DOCK3: variants seen among roughly 807,000 people sequenced by gnomAD.
DOCK3 encodes dedicator of cytokinesis protein 3.
In DOCK3, 60 loss-of-function variants were observed where a neutral mutation model predicts 265.6. The observed-to-expected ratio is 0.23, with a 90% CI of 0.18 to 0.28. DOCK3 has a LOEUF of 0.28. Ranked by LOEUF, DOCK3 falls within the 10% of genes least tolerant of loss-of-function variation. DOCK3 has a pLI of 1.00. For missense variants in DOCK3, 1,981 were observed against 2,594.3 expected (o/e 0.76, Z 5.14); for synonymous variants, 881 against 938.0 (o/e 0.94, Z 1.11).
At chr3:50,758,445 G>A (rs541503425) in intron 1 of DOCK3, among the ~76,000 whole-genome samples, 92 of 151,448 alleles carry the variant, frequency 6.1e-4, no homozygotes, top group South Asian at 3.3e-3. Flanking sequence ...TATATATTAC[G>A]ACAGTAAAAA....
At chr3:51,068,102 A>G (rs911363692) in intron 6 of DOCK3, among the ~76,000 whole-genome samples, 4 of 152,230 alleles carry the variant, frequency 2.6e-5, no homozygotes, top group Non-Finnish European at 5.9e-5. Flanking sequence ...CCTTTTCTCT[A>G]AGCTCTTACA....
At position 51,277,700 on chromosome 3, in the gene DOCK3, C is replaced by T. The variant is rs773077569; in HGVS notation, c.2769C>T (p.His923=). 5.6e-5 allele frequency: 90 copies of T among 1,611,070 alleles called. No homozygotes were observed. The highest frequency in any genetic ancestry group is 2.8e-4 in the South Asian group (25 of 90,686). Residue 923 remains histidine (H), a synonymous_variant, in exon 26 of 53, where the codon CAC becomes CAT. Coordinates refer to ENST00000266037, the MANE Select transcript of DOCK3 (RefSeq NM_004947.5). ...QTLLTIMSKS[H]AQEAVRGQRC... Reference sequence around the variant, plus strand: ...TGCTCACCATCATGAGCAAATCGCACGCTCAGGAGGCGGTAAGAGGGCAGC... The same window carrying T: ...TGCTCACCATCATGAGCAAATCGCATGCTCAGGAGGCGGTAAGAGGGCAGC...
At position 51,016,870 on chromosome 3, in the gene DOCK3, GAT is replaced by G. The variant is rs2079347536; in HGVS notation, c.316-47573_316-47572del. Among the ~76,000 whole-genome samples, 3 of 93,996 alleles carry G rather than the reference GAT, an allele frequency of 3.2e-5. 1 individual carries two copies. Among genetic ancestry groups the G allele is most frequent in the African/African-American group, 1.3e-4 (3 of 23,464 alleles). The allele number at this position is 93,996 out of a possible 152,430, so 61.7% of individuals were successfully genotyped here. ...ATATATATCATATATAAATATATAT[GAT>G]ATATGTTTATATATATAAATATATA... On this transcript the variant is annotated intron_variant, in intron 5 of 52. Transcript: ENST00000266037.
chr3:51,009,333 G>C (rs185739303), intron 5 of DOCK3, among the ~76,000 whole-genome samples: 210 of 151,982 alleles, frequency 1.4e-3, no homozygotes, highest in African/African-American at 4.9e-3. Context: ...ACTTCTTCCT[G>C]GTTTAGTCTT....
In DOCK3 at chr3:50,790,759, C is replaced by T. The variant is rs528997224; in HGVS notation, c.121+12001C>T. On this transcript the variant is annotated intron_variant, in intron 2 of 52. Coordinates refer to ENST00000266037, the MANE Select transcript of DOCK3 (RefSeq NM_004947.5). ...TCACAGCTCTTAAGATTCTTTCCTT[C>T]GTCTTGACTTTAGATAACCTGATGA... Among the ~76,000 whole-genome samples, 65 of 152,182 alleles carry T rather than the reference C, an allele frequency of 4.3e-4. 1 individual carries two copies. Among genetic ancestry groups the T allele is most frequent in the African/African-American group, 1.4e-3 (60 of 41,530 alleles).
chr3:51,289,842 G>T (rs564961400), intron 27 of DOCK3, among the ~76,000 whole-genome samples: 2 of 151,860 alleles, frequency 1.3e-5, no homozygotes, highest in South Asian at 4.2e-4. Context: ...AAATTTACAA[G>T]AAAAAAACAA....
chr3:51,037,349 A>C (rs2108999654), intron 5 of DOCK3, among the ~76,000 whole-genome samples: 1 of 152,262 alleles, frequency 6.6e-6, no homozygotes, highest in Middle Eastern at 3.4e-3. Flanking sequence ...GTATTTGGTT[A>C]CATGAGTTAG....
Position 50,956,853 on chromosome 3 carries a change from G to T in DOCK3, c.315+22776G>T, listed in dbSNP as rs183957481. 3.0e-3 allele frequency among the ~76,000 whole-genome samples: 459 copies of T among 152,166 alleles called. 1 individual carries two copies. The highest frequency in any genetic ancestry group is 4.9e-3 in the African/African-American group (204 of 41,522). ...AAAAATGGAAAAGTGGATGAGTATT[G>T]TATTTTATTTTATTTTATTTTATTT... On this transcript the variant is annotated intron_variant, in intron 5 of 52. Coordinates refer to ENST00000266037, the MANE Select transcript of DOCK3 (RefSeq NM_004947.5).
intron 27 of DOCK3, among the ~76,000 whole-genome samples, chr3:51,300,434 T>G (rs1385336106): frequency 6.6e-6 from 1 of 152,208 alleles, no homozygotes; most frequent in African/African-American, 2.4e-5. Context: ...CTTCCAGTAC[T>G]ATGTTGAATA....
intron 22 of DOCK3, among the ~76,000 whole-genome samples, chr3:51,252,166 G>C (rs550766118): frequency 2.0e-5 from 3 of 152,134 alleles, no homozygotes; most frequent in Non-Finnish European, 4.4e-5. Context: ...AAGATCAGAT[G>C]GTTGTAGATG....
intron 33 of DOCK3, among the ~76,000 whole-genome samples, chr3:51,330,893 AC>A (rs1221082649): frequency 2.0e-5 from 3 of 152,008 alleles, no homozygotes; most frequent in Non-Finnish European, 4.4e-5. Flanking sequence ...GCTCTAGAAT[AC>A]CCTCCCCATC....
At chr3:50,857,509 T>G (rs2046659811) in intron 3 of DOCK3, among the ~76,000 whole-genome samples, 1 of 152,180 alleles carries the variant, frequency 6.6e-6, no homozygotes, top group African/African-American at 2.4e-5. Flanking sequence ...ACCTACAGAA[T>G]GGGAGAACAT....
intron 12 of DOCK3, among the ~76,000 whole-genome samples, chr3:51,177,835 A>T (rs1336341667): frequency 6.6e-6 from 1 of 152,114 alleles, no homozygotes; most frequent in Non-Finnish European, 1.5e-5. Flanking sequence ...TACTAAAAAT[A>T]CAAAAATTAG....
At chr3:51,186,371 A>T (rs910503364) in intron 12 of DOCK3, among the ~76,000 whole-genome samples, 1 of 152,222 alleles carries the variant, frequency 6.6e-6, no homozygotes, top group Non-Finnish European at 1.5e-5. Flanking sequence ...AGCATTCAAG[A>T]TGTGACTTGG....
In DOCK3 at chr3:51,361,753, G is replaced by A. The variant is rs561803535; in HGVS notation, c.5007-106G>A. ...CATTGACTATGGAACCCTCCAAACC[G>A]GTGGTAGCTGAAACCAGGGATGACT... is the stretch of plus-strand genomic sequence containing the variant. On this transcript the variant is annotated intron_variant, in intron 47 of 52. Transcript: ENST00000266037. The surrounding 1 kb of genome is among the most constrained non-coding windows in gnomAD (Gnocchi z 4.2). 27 of 1,438,242 alleles carry A rather than the reference G, an allele frequency of 1.9e-5. No individual in the cohort carries two copies. The highest frequency in any genetic ancestry group is 8.6e-5 in the Admixed American group (4 of 46,764). The allele number at this position is 1,438,242 out of a possible 1,614,324, so 89.1% of individuals were successfully genotyped here.
chr3:51,309,090 A>G (rs540161480), intron 27 of DOCK3, among the ~76,000 whole-genome samples: 74 of 148,708 alleles, frequency 5.0e-4, no homozygotes, highest in Middle Eastern at 7.4e-3. Context: ...GACGCTCCTC[A>G]CTTTCCAGAC....
chr3:51,310,504 G>A (rs1391846252), intron 28 of DOCK3, among the ~76,000 whole-genome samples, 178 bp downstream of exon 28: 1 of 152,230 alleles, frequency 6.6e-6, no homozygotes, highest in East Asian at 1.9e-4. Context: ...GGCACAGTAA[G>A]GATAGAGAAG....
chr3:51,087,503 A>ATG (rs1404080521), intron 7 of DOCK3, among the ~76,000 whole-genome samples: 2 of 152,214 alleles, frequency 1.3e-5, no homozygotes, highest in Non-Finnish European at 2.9e-5. Context: ...AAAGCTGTAT[A>ATG]TGACACATCC....
At chr3:50,790,634 A>C (rs2042421803) in intron 2 of DOCK3, among the ~76,000 whole-genome samples, 2 of 152,156 alleles carry the variant, frequency 1.3e-5, no homozygotes, top group South Asian at 4.1e-4. Context: ...AAGGAGACTA[A>C]AGATAGGACC....
Sources: allele counts gnomAD v4.1 joint callset (sites outside exome capture counted in the v4.1 genomes callset), GRCh38; gene constraint gnomAD v4.1.1; non-coding constraint Gnocchi (gnomAD v3.1); transcripts MANE v1.5; gene names NCBI Gene and HGNC (gene_info 2026-07-23, HGNC 2026-07-21).